CALCOCO1: variants seen among roughly 807,000 people sequenced by gnomAD.
CALCOCO1 encodes the protein calcium-binding and coiled-coil domain-containing protein 1.
A neutral mutation model predicts 86.3 loss-of-function variants in CALCOCO1; 44 were observed. The observed-to-expected ratio is 0.51, with a 90% CI of 0.40 to 0.66. The LOEUF is 0.66. Among genes scored for constraint, CALCOCO1 ranks in the 30% least tolerant of loss-of-function variants. CALCOCO1 has a pLI of 0.00. For synonymous variants in CALCOCO1, 297 were observed against 327.6 expected, an observed-to-expected ratio of 0.91 and a Z score of 1.01; for missense variants, 708 against 851.1, an observed-to-expected ratio of 0.83 and a Z score of 2.09.
Position 53,725,517 on chromosome 12 carries a change from G to A in CALCOCO1, c.-24-251C>T, listed in dbSNP as rs577541120. On this transcript the variant is annotated intron_variant, in intron 1 of 14. Coordinates refer to ENST00000550804, the MANE Select transcript of CALCOCO1 (RefSeq NM_020898.3). ...CTCTGGCTCATAGACCCTTCTGAGG[G>A]TTCAGACTTCTCTAATTTTGCTCCC... 2.6e-5 allele frequency among the ~76,000 whole-genome samples: 4 copies of A among 152,300 alleles called. No individual in the cohort carries two copies. In the East Asian group the frequency reaches 7.7e-4, roughly 29 times the overall value.
Position 53,727,119 on chromosome 12 carries a change from G to A in CALCOCO1, c.-25+285C>T, listed in dbSNP as rs570896058. On this transcript the variant is annotated intron_variant, in intron 1 of 14. Coordinates refer to ENST00000550804, the MANE Select transcript of CALCOCO1 (RefSeq NM_020898.3). ...TGTAGGGGACACGTCTTGCCTGGGAGCGAATAAGCAGATTTCAGCTCCCTT... is the reference window on the plus strand; with the variant it reads ...TGTAGGGGACACGTCTTGCCTGGGAACGAATAAGCAGATTTCAGCTCCCTT... Among the ~76,000 whole-genome samples the A allele has an allele frequency of 4.6e-5, 7 of 152,208 alleles. No homozygotes were observed. The South Asian group carries it at 1.5e-3, about 32-fold the overall frequency.
At chr12:53,722,720 C>T (rs1945908716) in intron 4 of CALCOCO1, among the ~76,000 whole-genome samples, 1 of 152,138 alleles carries the variant, frequency 6.6e-6, no homozygotes, top group African/African-American at 2.4e-5. Context: ...GCTGGGACTA[C>T]AGATGCATGC....
chr12:53,724,779 G>A, intron 2 of CALCOCO1, 32 bp from the exon 3 acceptor site: 1 of 1,531,690 alleles, frequency 6.5e-7, no homozygotes, highest in Non-Finnish European at 9.0e-7. Context: ...GAAAGGTATG[G>A]TCATGGAACT....
At chr12:53,716,475 T>C in intron 7 of CALCOCO1, 60 bp from the exon 8 acceptor site, 1 of 1,566,502 alleles carries the variant, frequency 6.4e-7, no homozygotes, top group African/African-American at 1.4e-5. Context: ...GCTCGGGAGG[T>C]GAACCATTGT....
In CALCOCO1 at chr12:53,714,620, T is replaced by C; in HGVS notation, c.1460A>G (p.Glu487Gly). ...CACCTGTTTCTCCTCCTGTAACTGCTCCTTTTCCTTCTGGAGCACACGCAG... is the reference window on the plus strand; with the variant it reads ...CACCTGTTTCTCCTCCTGTAACTGCCCCTTTTCCTTCTGGAGCACACGCAG... ...SALRVLQKEK[E>G]QLQEEKQELL... Residue 487 changes from glutamate to glycine, a missense_variant, in exon 11 of 15, where the codon GAG (glutamate) becomes GGG (glycine). Glu to Gly is a moderately conservative substitution (Grantham distance 98). Transcript: ENST00000550804. The C allele has an allele frequency of 6.2e-7, 1 of 1,614,090 alleles. No individual in the cohort carries two copies. The highest frequency in any genetic ancestry group is 8.5e-7 in the Non-Finnish European group (1 of 1,179,970).
intron 1 of CALCOCO1, 32 bp from the exon 2 acceptor site, chr12:53,725,298 T>C: frequency 1.4e-6 from 2 of 1,457,950 alleles, no homozygotes; most frequent in Non-Finnish European, 9.2e-7. Flanking sequence ...GCCTAAAGTC[T>C]TTCCAGTCCA....
chr12:53,719,714 A>C, intron 7 of CALCOCO1, 25 bp downstream of exon 7: 1 of 1,550,868 alleles, frequency 6.4e-7, no homozygotes, highest in Non-Finnish European at 8.9e-7. Context: ...CAATGGAGAA[A>C]GCAAATCAAC....
intron 10 of CALCOCO1, 39 bp from the exon 11 acceptor site, chr12:53,714,732 T>A: frequency 6.7e-7 from 1 of 1,486,228 alleles, no homozygotes; most frequent in East Asian, 2.3e-5. Context: ...GAGCCTAGAA[T>A]GTACCTCCAA....
rs546765978 is a variant in CALCOCO1, at chr12:53,719,910, C to T, written c.759-81G>A. ...ACTCAGGCCTCTGTCTTGTGCTCTG[C>T]TGCTGCTGCTCTAGGCCCAGAGCTC... On this transcript the variant is annotated intron_variant, in intron 6 of 14. Coordinates refer to ENST00000550804, the MANE Select transcript of CALCOCO1 (RefSeq NM_020898.3). 16 of 896,152 alleles carry T rather than the reference C, an allele frequency of 1.8e-5. 1 individual carries two copies. In the South Asian group the frequency reaches 2.1e-4, roughly 12 times the overall value. 55.5% of individuals were successfully genotyped at this position (896,152 alleles called of 1,614,324 possible). A position where few individuals can be genotyped will look rare whatever the true frequency, so the allele number is the denominator to read the frequency against.
chr12:53,723,999 C>T (rs1183008259), intron 3 of CALCOCO1: 4 of 576,508 alleles, frequency 6.9e-6, no homozygotes, highest in Non-Finnish European at 1.2e-5. Context: ...GTAGTGAGTG[C>T]GTACCATGTA....
chr12:53,712,430 C>T (rs1353079649), intron 14 of CALCOCO1: 1 of 304,082 alleles, frequency 3.3e-6, no homozygotes, highest in Non-Finnish European at 6.2e-6. Context: ...CTGACATCGT[C>T]CTTCATCTTC....
Position 53,719,764 on chromosome 12 carries a change from A to T in CALCOCO1, c.824T>A (p.Val275Glu). 6.2e-7 allele frequency: 1 copy of T among 1,613,828 alleles called. No homozygotes were observed. The highest frequency in any genetic ancestry group is 2.2e-5 in the East Asian group (1 of 44,870). Residue 275 changes from valine (V) to glutamate (E), a missense_variant, in exon 7 of 15, where the codon GTA becomes GAA. Physicochemically the swap from Val to Glu is moderately radical, Grantham distance 121. Coordinates refer to ENST00000550804, the MANE Select transcript of CALCOCO1 (RefSeq NM_020898.3). ...CTCACTTTGCTCCTTGTCTGCTTGT[A>T]CTTCTTTCAGTTGCCCAAGGAGCTT... The part of the protein sequence containing the change: ...QEKLLGQLKE[V>E]QADKEQSEAE...
rs1945569183 is a variant in CALCOCO1 at position 53,711,994 on chromosome 12, T to C, written c.2026A>G (p.Met676Val). Reference sequence around the variant, plus strand: ...GTGCTGAAAAAGAAGTGTCCATCCATGTGGTCCTCCAGGGCATCCTTGTCA... The same window carrying C: ...GTGCTGAAAAAGAAGTGTCCATCCACGTGGTCCTCCAGGGCATCCTTGTCA... ...ESDKDALEDH[M>V]DGHFFFSTQD... is the part of the protein sequence containing the mutation. The change falls in exon 15 of 15, where the codon ATG (methionine) becomes GTG (valine). Residue 676 changes from methionine to valine, a missense_variant. By Grantham distance (21) the Met-to-Val change is conservative (BLOSUM62 1). Coordinates refer to ENST00000550804, the MANE Select transcript of CALCOCO1 (RefSeq NM_020898.3). 6.2e-7 allele frequency: 1 copy of C among 1,606,328 alleles called. No homozygotes were observed. The highest frequency in any genetic ancestry group is 8.5e-7 in the Non-Finnish European group (1 of 1,176,744).
At chr12:53,723,079 T>A (rs946159226) in intron 4 of CALCOCO1, 1 of 351,794 alleles carries the variant, frequency 2.8e-6, no homozygotes, top group African/African-American at 2.1e-5. Flanking sequence ...TAAAAAATAC[T>A]AAGTCTTCAA....
At position 53,725,182 on chromosome 12, in the gene CALCOCO1, C is replaced by T. The variant is rs199534314; in HGVS notation, c.61G>A (p.Ala21Thr). ...TTGGTGTTGGGGATGTAGGTCCGGG[C>T]TACATTGAGAAAGTTGACTCCACCA... ...SRGGVNFLNVARTYIPNTKVE... is the reference protein window; with the variant it reads ...SRGGVNFLNVTRTYIPNTKVE... Residue 21 changes from alanine (A) to threonine (T), a missense_variant, in exon 2 of 15, where the codon GCC (alanine) becomes ACC (threonine). Physicochemically the swap from Ala to Thr is moderately conservative, Grantham distance 58 (BLOSUM62 0). Transcript: ENST00000550804. The T allele has an allele frequency of 1.9e-6, 3 of 1,612,966 alleles. No individual in the cohort carries two copies. Among genetic ancestry groups the T allele is most frequent in the Non-Finnish European group, 2.5e-6 (3 of 1,179,444 alleles).
chr12:53,727,121 G>C (rs538289792), intron 1 of CALCOCO1, among the ~76,000 whole-genome samples: 21 of 152,124 alleles, frequency 1.4e-4, no homozygotes, highest in African/African-American at 5.1e-4. Context: ...GCCTGGGAGC[G>C]AATAAGCAGA....
Position 53,714,758 on chromosome 12 carries a change from G to T in CALCOCO1, c.1387-65C>A. 3.4e-6 allele frequency: 4 copies of T among 1,170,560 alleles called. No individual in the cohort carries two copies. The South Asian group carries it at 5.0e-5, about 15-fold the overall frequency. 72.5% of individuals were successfully genotyped at this position (1,170,560 alleles called of 1,614,324 possible). A position where few individuals can be genotyped will look rare whatever the true frequency, so the allele number is the denominator to read the frequency against. ...GTACCTCCAAGAACCTGGACTCTGG[G>T]ACCAGGACCAACAATCTAGAACCAG... On this transcript the variant is annotated intron_variant, in intron 10 of 14. Coordinates refer to ENST00000550804, the MANE Select transcript of CALCOCO1 (RefSeq NM_020898.3).
chr12:53,717,223 C>A (rs1462586484), intron 7 of CALCOCO1, among the ~76,000 whole-genome samples: 1 of 152,080 alleles, frequency 6.6e-6, no homozygotes, highest in Non-Finnish European at 1.5e-5. Flanking sequence ...ACCACGCCTG[C>A]CTAATTTTTG....
intron 5 of CALCOCO1, 191 bp downstream of exon 5, chr12:53,721,834 A>T: frequency 1.2e-6 from 1 of 804,762 alleles, no homozygotes; most frequent in Non-Finnish European, 2.0e-6. Flanking sequence ...ACTGAGTCTC[A>T]TTACACGTTT....
Sources: allele counts gnomAD v4.1 joint callset (sites outside exome capture counted in the v4.1 genomes callset), GRCh38; gene constraint gnomAD v4.1.1; transcripts MANE v1.5; gene names NCBI Gene and HGNC (gene_info 2026-07-23, HGNC 2026-07-21).